The following DYNC2H1 variants were observed in gnomAD, a reference collection of about 807,000 sequenced individuals.
DYNC2H1 encodes the protein dynein cytoplasmic 2 heavy chain 1, also known as cytoplasmic dynein 2 heavy chain 1.
Under a neutral mutation model 570.0 loss-of-function variants are expected in DYNC2H1, and 410 were observed. The observed-to-expected ratio is 0.72, with a 90% CI of 0.66 to 0.78. The LOEUF (loss-of-function observed/expected upper bound fraction) is 0.78, where lower values mean the gene tolerates loss of function less well. DYNC2H1 is among the 30% of genes least tolerant of loss of function. The pLI, the probability that DYNC2H1 is intolerant of heterozygous loss-of-function variation, is 0.00. For synonymous variants in DYNC2H1, 1,688 were observed against 1,677.6 expected, an observed-to-expected ratio of 1.01 and a Z score of -0.15; for missense variants, 4,865 against 5,046.4, an observed-to-expected ratio of 0.96 and a Z score of 1.09.
chr11:103,209,862 T>G lies in DYNC2H1; in HGVS notation c.8455-14T>G, dbSNP rs1169637485. 6.8e-7 allele frequency: 1 copy of G among 1,461,718 alleles called. No homozygotes were observed. Among genetic ancestry groups the G allele is most frequent in the African/African-American group, 1.5e-5 (1 of 68,414 alleles). The allele number at this position is 1,461,718 out of a possible 1,614,324, so 90.5% of individuals were successfully genotyped here. A position where few individuals can be genotyped will look rare whatever the true frequency, so the allele number is the denominator to read the frequency against. On this transcript the variant is annotated splice_polypyrimidine_tract_variant and intron_variant, in intron 52 of 88. Coordinates refer to ENST00000375735, the MANE Select transcript of DYNC2H1 (RefSeq NM_001377.3). The surrounding 1 kb of genome is among the most constrained non-coding windows in gnomAD (Gnocchi z 4.2). ...CTTATACTCTTTCATAGTGATATTCTTTTTATGTTTTAGATACCTGAAATG... is the reference window on the plus strand; with the variant it reads ...CTTATACTCTTTCATAGTGATATTCGTTTTATGTTTTAGATACCTGAAATG...
intron 68 of DYNC2H1, 120 bp from the exon 69 acceptor site, chr11:103,257,488 A>G: frequency 9.9e-7 from 1 of 1,013,196 alleles, no homozygotes. Context: ...TTATGTGCAT[A>G]GAAAAAGTAA....
chr11:103,157,625 CTTCTA>C lies in DYNC2H1; in HGVS notation c.4127+861_4127+865del, dbSNP rs1318494507. Among the ~76,000 whole-genome samples the C allele has an allele frequency of 1.3e-5, 2 of 152,312 alleles. No individual in the cohort carries two copies. Among genetic ancestry groups the C allele is most frequent in the East Asian group, 3.9e-4 (2 of 5,184 alleles). On this transcript the variant is annotated intron_variant, in intron 26 of 88. Transcript: ENST00000375735. The surrounding 1 kb of genome is among the most constrained non-coding windows in gnomAD (Gnocchi z 4.2). The stretch of plus-strand genomic sequence containing the variant: ...ATACCTGTACAGAAGTATATCTGTA[CTTCTA>C]TTCTAATGTTCTGTATCTCTTACTT...
At position 103,471,362 on chromosome 11, in the gene DYNC2H1, A is replaced by G. The variant is rs557797641; in HGVS notation, c.12765+2657A>G. On this transcript the variant is annotated intron_variant, in intron 88 of 88. Coordinates refer to ENST00000375735, the MANE Select transcript of DYNC2H1 (RefSeq NM_001377.3). ...CTAAGAAGGAAAGAACATGAGATCT[A>G]CTGCTAAGTGTTTCAGAACACAAAA... 2.0e-5 allele frequency among the ~76,000 whole-genome samples: 3 copies of G among 152,298 alleles called. No individual in the cohort carries two copies. In the East Asian group the frequency reaches 5.8e-4, roughly 29 times the overall value.
In DYNC2H1 at chr11:103,199,341, T is replaced by G. The variant is rs746638658; in HGVS notation, c.7953T>G (p.Leu2651=). The part of the protein sequence containing the change: ...DRVLSFPGGS[L]LLAGRSGVGR... Reference sequence around the variant, plus strand: ...TGCTGAGTTTCCCTGGAGGTTCACTTCTATTAGCAGGACGCAGTGGTGTAG... The same window carrying G: ...TGCTGAGTTTCCCTGGAGGTTCACTGCTATTAGCAGGACGCAGTGGTGTAG... The change falls in exon 49 of 89, where the codon CTT becomes CTG. Residue 2651 remains leucine, a synonymous_variant. Coordinates refer to ENST00000375735, the MANE Select transcript of DYNC2H1 (RefSeq NM_001377.3). This position sits in a 1 kb window ranked among gnomAD's most constrained non-coding sequence, Gnocchi z 4.6. The G allele has an allele frequency of 1.2e-6, 2 of 1,612,176 alleles. No homozygotes were observed. Among genetic ancestry groups the G allele is most frequent in the Non-Finnish European group, 1.7e-6 (2 of 1,179,682 alleles).
chr11:103,263,369 C>T (rs529596774), intron 70 of DYNC2H1, among the ~76,000 whole-genome samples: 1 of 152,242 alleles, frequency 6.6e-6, no homozygotes, highest in East Asian at 1.9e-4. Flanking sequence ...AACTCCACCC[C>T]ATCTACAGAA....
chr11:103,378,884 G>A (rs1387221556), intron 83 of DYNC2H1, among the ~76,000 whole-genome samples: 1 of 152,090 alleles, frequency 6.6e-6, no homozygotes, highest in African/African-American at 2.4e-5. Context: ...CTTTGAAAGT[G>A]ACTATTTCTT....
chr11:103,373,475 G>T lies in DYNC2H1; in HGVS notation c.12156+15116G>T, dbSNP rs1411318363. Among the ~76,000 whole-genome samples the T allele has an allele frequency of 3.3e-5, 5 of 152,220 alleles. No homozygotes were observed. The East Asian group carries it at 7.7e-4, about 23-fold the overall frequency. On this transcript the variant is annotated intron_variant, in intron 83 of 88. Transcript: ENST00000375735. ...TTGACCCACTGGTTATTAGGGGCAT[G>T]TTGTTTTGTTTCCATGTATTTTTAC...
chr11:103,308,960 G>A (rs556880502), intron 78 of DYNC2H1, among the ~76,000 whole-genome samples: 21 of 151,872 alleles, frequency 1.4e-4, no homozygotes, highest in African/African-American at 4.6e-4. Context: ...TTTTCACTCT[G>A]TTGATTGTTC....
chr11:103,222,921 G>T, intron 58 of DYNC2H1, 44 bp from the exon 59 acceptor site: 2 of 1,606,642 alleles, frequency 1.2e-6, no homozygotes, highest in South Asian at 2.2e-5. Context: ...GCTTTCATTT[G>T]AAATTAAGTA....
At chr11:103,192,379 ATAT>A in intron 47 of DYNC2H1, 115 bp downstream of exon 47, 1 of 777,008 alleles carries the variant, frequency 1.3e-6, no homozygotes. Context: ...AATAATTTTA[ATAT>A]TATTTTTCCG....
At chr11:103,336,472 C>G (rs899280018) in intron 82 of DYNC2H1, among the ~76,000 whole-genome samples, 1 of 147,324 alleles carries the variant, frequency 6.8e-6, no homozygotes, top group Non-Finnish European at 1.5e-5. Flanking sequence ...CACACCCTTC[C>G]TATCCTCTGG....
intron 52 of DYNC2H1, among the ~76,000 whole-genome samples, chr11:103,206,673 A>G (rs1278955543): frequency 6.6e-6 from 1 of 152,202 alleles, no homozygotes; most frequent in Non-Finnish European, 1.5e-5. Flanking sequence ...TAGCATGTCA[A>G]AGGAAGAAAG....
At chr11:103,194,442 A>G (rs11225594) in intron 47 of DYNC2H1, among the ~76,000 whole-genome samples, 7,567 of 152,276 alleles carry the variant, frequency 0.05, 250 homozygotes, top group Non-Finnish European at 0.072. Context: ...TCAGGAATGC[A>G]ATTGCAGGGT....
At chr11:103,179,453 T>G (rs1861760659) in intron 39 of DYNC2H1, among the ~76,000 whole-genome samples, 1 of 151,886 alleles carries the variant, frequency 6.6e-6, no homozygotes, top group Non-Finnish European at 1.5e-5. Flanking sequence ...TATGAAATAA[T>G]TATTTGTTTA....
intron 1 of DYNC2H1, 103 bp from the exon 2 acceptor site, chr11:103,113,434 A>AT (rs983740227): frequency 3.4e-6 from 3 of 869,810 alleles, no homozygotes; most frequent in Non-Finnish European, 1.6e-6. Flanking sequence ...TAAAGTAACT[A>AT]TTTTTTTCCA....
At chr11:103,262,842 T>A (rs1317137779) in intron 70 of DYNC2H1, among the ~76,000 whole-genome samples, 1 of 151,910 alleles carries the variant, frequency 6.6e-6, no homozygotes, top group Non-Finnish European at 1.5e-5. Flanking sequence ...AATTCACACA[T>A]AACAATATTA....
rs1938168819 is a variant in DYNC2H1, at chr11:103,321,187, A to G, written c.11884A>G (p.Lys3962Glu). Residue 3962 changes from lysine (K) to glutamate (E), a missense_variant, in exon 81 of 89, where the codon AAA (lysine) becomes GAA (glutamate). By Grantham distance (56) the Lys-to-Glu change is moderately conservative. This residue lies in a region of DYNC2H1 where 2,401 missense variants were observed against 2,454.6 expected (regional missense o/e 0.98). Transcript: ENST00000375735. ...TGATGTATTCAACCAAAGGAACAAG[A>G]AAAGCATTTTTCCATATTCCGTATC... is the stretch of plus-strand genomic sequence containing the variant. ...VIDVFNQRNK[K>E]SIFPYSVSLP... is the part of the protein sequence containing the mutation. The G allele has an allele frequency of 6.2e-7, 1 of 1,611,710 alleles. No individual in the cohort carries two copies.
rs1315021716 is a variant in DYNC2H1, at chr11:103,181,755, A to T, written c.6348-2A>T. Reference sequence around the variant, plus strand: ...ATTTTTTATTTGTCTAAACTGTTTCAGTGATGAAGAGACAGATCTTAATTC... The same window carrying T: ...ATTTTTTATTTGTCTAAACTGTTTCTGTGATGAAGAGACAGATCTTAATTC... On this transcript the variant is annotated splice_acceptor_variant, in intron 39 of 88. Transcript: ENST00000375735. LOFTEE classifies it high-confidence loss of function. This position sits in a 1 kb window ranked among gnomAD's most constrained non-coding sequence, Gnocchi z 5.0. The T allele has an allele frequency of 1.3e-6, 2 of 1,551,740 alleles. No homozygotes were observed. The highest frequency in any genetic ancestry group is 1.7e-6 in the Non-Finnish European group (2 of 1,147,062).
chr11:103,154,920 C>A, intron 24 of DYNC2H1, 111 bp downstream of exon 24: 1 of 792,474 alleles, frequency 1.3e-6, no homozygotes, highest in Non-Finnish European at 1.8e-6. Context: ...TAAATTATTC[C>A]GTTTGATGAA....
Sources: allele counts gnomAD v4.1 joint callset (sites outside exome capture counted in the v4.1 genomes callset), GRCh38; gene constraint gnomAD v4.1.1; regional missense constraint gnomAD v4.1.1; non-coding constraint Gnocchi (gnomAD v3.1); transcripts MANE v1.5; gene names NCBI Gene and HGNC (gene_info 2026-07-23, HGNC 2026-07-21).